The following ECT2L variants were observed in gnomAD, a reference collection of about 807,000 sequenced individuals.
The protein encoded by ECT2L is epithelial cell transforming 2 like.
In ECT2L, 126 loss-of-function variants were observed where a neutral mutation model predicts 122.8. That is an observed-to-expected ratio of 1.03 (90% CI 0.89 to 1.19). The LOEUF (loss-of-function observed/expected upper bound fraction) is 1.19. Ranked by LOEUF, ECT2L falls within the 50% of genes most tolerant of loss-of-function variation. The pLI is 0.00. For synonymous variants in ECT2L, 385 were observed against 381.8 expected (o/e 1.01, Z -0.10); for missense variants, 1,012 against 1,064.1 (o/e 0.95, Z 0.68).
chr6:138,874,826 G>T (rs1778384503), intron 13 of ECT2L, among the ~76,000 whole-genome samples: 1 of 152,126 alleles, frequency 6.6e-6, no homozygotes, highest in African/African-American at 2.4e-5. Flanking sequence ...GGGCACAGTG[G>T]CTCACACCTG....
At chr6:138,826,491 C>T (rs111585656) in intron 4 of ECT2L, among the ~76,000 whole-genome samples, 1,719 of 152,062 alleles carry the variant, frequency 0.011, 30 homozygotes, top group African/African-American at 0.034. Flanking sequence ...GCCTGGCCAA[C>T]ATGGTGAAAC....
At chr6:138,882,420 CT>C (rs774362177) in intron 15 of ECT2L, among the ~76,000 whole-genome samples, 2 of 152,230 alleles carry the variant, frequency 1.3e-5, no homozygotes, top group Non-Finnish European at 2.9e-5. Context: ...TTTCACCCAT[CT>C]GCCTATCTGG....
intron 4 of ECT2L, among the ~76,000 whole-genome samples, chr6:138,838,054 C>T (rs777238185): frequency 2.2e-4 from 33 of 152,052 alleles, no homozygotes; most frequent in Non-Finnish European, 3.8e-4. Flanking sequence ...GCACGCACCA[C>T]CATACTCAGC....
At position 138,844,529 on chromosome 6, in the gene ECT2L, A is replaced by C. The variant is rs587778244; in HGVS notation, c.713A>C (p.Glu238Ala). 1.2e-6 allele frequency: 2 copies of C among 1,614,174 alleles called. No homozygotes were observed. Among genetic ancestry groups the C allele is most frequent in the Non-Finnish European group, 8.5e-7 (1 of 1,180,022 alleles). Residue 238 changes from glutamate (E) to alanine (A), a missense_variant, in exon 7 of 22, where the codon GAA (glutamate) becomes GCA (alanine). Physicochemically the swap from Glu to Ala is moderately radical, Grantham distance 107. Coordinates refer to ENST00000541398, the MANE Select transcript of ECT2L (RefSeq NM_001077706.3). ...QTVRERVGLH[E>A]ALEKQLVLTS... ...GTAAGGGAGCGAGTGGGATTACATG[A>C]AGCTTTGGAGAAACAGCTTGTTTTG...
At chr6:138,838,614 G>A in intron 5 of ECT2L, 100 bp downstream of exon 5, 4 of 1,207,244 alleles carry the variant, frequency 3.3e-6, no homozygotes, top group South Asian at 1.9e-5. Context: ...AATAGCTGAG[G>A]GTACCTGATC....
At position 138,888,012 on chromosome 6, in the gene ECT2L, C is replaced by A. The variant is rs142575382; in HGVS notation, c.2326-931C>A. On this transcript the variant is annotated intron_variant, in intron 19 of 21. Transcript: ENST00000541398. ...GATTTACTTGCCTTCTCATGTCTGG[C>A]ACATAAGAGGAGCTCAGGATGTGAG... 1.2e-3 allele frequency among the ~76,000 whole-genome samples: 176 copies of A among 152,282 alleles called. 1 individual carries two copies. Among genetic ancestry groups the A allele is most frequent in the African/African-American group, 4.1e-3 (170 of 41,548 alleles).
rs892002203 is a variant in ECT2L, at chr6:138,903,833, C to A, written c.*1206C>A. ...ATTGTCAGGTAAAAATTGTATTAAT[C>A]TTGGAAGCTTGAGGTTGTCAGTTTC... is the stretch of plus-strand genomic sequence containing the variant. On this transcript the variant is annotated 3_prime_UTR_variant, in exon 22 of 22. Coordinates refer to ENST00000541398, the MANE Select transcript of ECT2L (RefSeq NM_001077706.3). The A allele has an allele frequency of 6.6e-6, 1 of 152,106 alleles. No individual in the cohort carries two copies. The highest frequency in any genetic ancestry group is 2.4e-5 in the African/African-American group (1 of 41,430). The allele number at this position is 152,106 out of a possible 1,614,324, so 9.4% of individuals were successfully genotyped here.
chr6:138,810,941 T>G (rs930169051), intron 1 of ECT2L, among the ~76,000 whole-genome samples: 1 of 152,066 alleles, frequency 6.6e-6, no homozygotes, highest in Non-Finnish European at 1.5e-5. Flanking sequence ...TGTGAGTGAG[T>G]GTGTTCTGCA....
intron 14 of ECT2L, among the ~76,000 whole-genome samples, chr6:138,880,128 A>G (rs146478076): frequency 7.5e-4 from 114 of 152,300 alleles, no homozygotes; most frequent in Middle Eastern, 3.4e-3. Context: ...CAGATTTTTC[A>G]TATGTCAGCT....
At chr6:138,851,027 A>G (rs1226183643) in intron 9 of ECT2L, among the ~76,000 whole-genome samples, 1 of 147,218 alleles carries the variant, frequency 6.8e-6, no homozygotes, top group Non-Finnish European at 1.5e-5. Flanking sequence ...AAAAAAAGAG[A>G]AAGAGAGAAA....
intron 6 of ECT2L, among the ~76,000 whole-genome samples, chr6:138,844,177 G>T (rs78881949): frequency 1.3e-5 from 2 of 152,174 alleles, no homozygotes; most frequent in South Asian, 4.1e-4. Context: ...ACTAGAAAAG[G>T]GTTGCTTGTT....
At chr6:138,817,537 ATTT>A (rs1286823935) in intron 4 of ECT2L, among the ~76,000 whole-genome samples, 3 of 152,160 alleles carry the variant, frequency 2.0e-5, no homozygotes, top group Non-Finnish European at 4.4e-5. Context: ...TTTCCAAATA[ATTT>A]TGTTTTAATT....
chr6:138,831,985 C>T (rs1181284965), intron 4 of ECT2L, among the ~76,000 whole-genome samples: 2 of 152,106 alleles, frequency 1.3e-5, no homozygotes, highest in African/African-American at 4.8e-5. Context: ...GCATGAAACT[C>T]TCCTATGGAT....
At chr6:138,837,491 AT>A (rs766453594) in intron 4 of ECT2L, among the ~76,000 whole-genome samples, 2 of 152,156 alleles carry the variant, frequency 1.3e-5, no homozygotes, top group African/African-American at 4.8e-5. Context: ...AATGACTGGC[AT>A]TTCAGAATGT....
At chr6:138,861,380 G>A (rs1325590577) in intron 10 of ECT2L, among the ~76,000 whole-genome samples, 1 of 152,034 alleles carries the variant, frequency 6.6e-6, no homozygotes. Flanking sequence ...CCACAGCCTC[G>A]CCAGCATCTG....
intron 4 of ECT2L, among the ~76,000 whole-genome samples, chr6:138,833,017 G>A (rs62440916): frequency 0.068 from 10,264 of 151,948 alleles, 666 homozygotes; most frequent in East Asian, 0.27. Context: ...CTTACCTGGC[G>A]GCAGGCGAGA....
chr6:138,818,726 G>A (rs1776153268), intron 4 of ECT2L, among the ~76,000 whole-genome samples: 1 of 152,116 alleles, frequency 6.6e-6, no homozygotes, highest in Non-Finnish European at 1.5e-5. Context: ...GGGGCTCAAT[G>A]GATGGAAAAT....
intron 1 of ECT2L, among the ~76,000 whole-genome samples, chr6:138,800,247 T>C (rs1775496039): frequency 6.6e-6 from 1 of 152,202 alleles, no homozygotes; most frequent in Admixed American, 6.5e-5. Flanking sequence ...GCAGCCACAA[T>C]GTTTTTTCCA....
rs1304118994 is a variant in ECT2L, at chr6:138,877,778, T to C, written c.1665+1220T>C. On this transcript the variant is annotated intron_variant, in intron 14 of 21. Coordinates refer to ENST00000541398, the MANE Select transcript of ECT2L (RefSeq NM_001077706.3). ...GAAAAACCCTGTCTCTACAAAAAAA[T>C]TACAAAAATTAGCCTGTTGTGGTGG... 2.6e-5 allele frequency among the ~76,000 whole-genome samples: 4 copies of C among 151,954 alleles called. No homozygotes were observed. The East Asian group carries it at 7.8e-4, about 30-fold the overall frequency.
Sources: gnomAD v4.1 joint callset for allele counts (sites outside exome capture counted in the v4.1 genomes callset) on GRCh38, gnomAD v4.1.1 for gene constraint, MANE v1.5 for transcripts, NCBI Gene and HGNC (gene_info 2026-07-23, HGNC 2026-07-21) for gene names.